CC2D2A: variants seen among roughly 807,000 people sequenced by gnomAD.
CC2D2A encodes the protein coiled-coil and C2 domain containing 2A, also known as coiled-coil and C2 domain-containing protein 2A.
CC2D2A carries 155 observed loss-of-function variants against 212.9 expected under a neutral mutation model. That is an observed-to-expected ratio of 0.73 (90% CI 0.64 to 0.83). The LOEUF is 0.83. Among genes scored for constraint, CC2D2A ranks in the 40% least tolerant of loss-of-function variants. The pLI is 0.00. For missense variants in CC2D2A, 1,856 were observed against 1,956.2 expected (o/e 0.95, Z 0.97); for synonymous variants, 667 against 686.5 (o/e 0.97, Z 0.44).
Position 15,528,716 on chromosome 4 carries a change from T to A in CC2D2A, c.1456T>A (p.Ser486Thr). 1 of 1,603,050 alleles carries A rather than the reference T, an allele frequency of 6.2e-7. No homozygotes were observed. The highest frequency in any genetic ancestry group is 1.1e-5 in the South Asian group (1 of 89,546). Residue 486 changes from serine to threonine, a missense_variant, in exon 13 of 37, where the codon TCT becomes ACT. This residue lies in a region of CC2D2A where 1,512 missense variants were observed against 1,579.3 expected (regional missense o/e 0.96). Transcript: ENST00000424120. ...CCAAAAAACCATCAATGAGTATAAA[T>A]CTGAAATTCGGTGAGTAAAGTTTGT... Reference protein sequence around the residue: ...TIQKTINEYKSEIRQTRKFRD... With the variant: ...TIQKTINEYKTEIRQTRKFRD...
intron 5 of CC2D2A, 26 bp downstream of exon 5, chr4:15,502,543 G>T: frequency 6.4e-7 from 1 of 1,562,736 alleles, no homozygotes; most frequent in South Asian, 1.2e-5. Context: ...TGAATATTCT[G>T]TTCAGTGCTG....
chr4:15,535,077 T>C (rs1718055409), intron 14 of CC2D2A, among the ~76,000 whole-genome samples: 1 of 152,120 alleles, frequency 6.6e-6, no homozygotes, highest in Non-Finnish European at 1.5e-5. Context: ...CCTATTGCCA[T>C]TGTATATTTG....
At chr4:15,570,845 G>T (rs926792376) in intron 28 of CC2D2A, among the ~76,000 whole-genome samples, 1 of 152,032 alleles carries the variant, frequency 6.6e-6, no homozygotes. Context: ...CCAAGATCGC[G>T]CCATTGCACT....
intron 6 of CC2D2A, among the ~76,000 whole-genome samples, chr4:15,503,351 C>G (rs1452246276): frequency 2.0e-5 from 3 of 152,164 alleles, no homozygotes; most frequent in African/African-American, 7.2e-5. Context: ...CTACTCTGTG[C>G]CAGGCATTTT....
In CC2D2A at chr4:15,475,942, A is replaced by G. The variant is rs758963962; in HGVS notation, c.10A>G (p.Arg4Gly). Residue 4 changes from arginine to glycine, a missense_variant, in exon 2 of 37, where the codon AGG becomes GGG. Around this residue, in one of 5 missense-constraint regions of CC2D2A, gnomAD observed 1,512 missense variants for 1,579.3 expected, o/e 0.96. Coordinates refer to ENST00000424120, the MANE Select transcript of CC2D2A (RefSeq NM_001378615.1). MNP[R>G]EEKVKIITEE... Reference sequence around the variant, plus strand: ...ACCCATCCCAGCCAAAATGAATCCCAGGGAAGAAAAAGTAAAAATAATTAC... The same window carrying G: ...ACCCATCCCAGCCAAAATGAATCCCGGGGAAGAAAAAGTAAAAATAATTAC... 3.5e-5 allele frequency: 55 copies of G among 1,589,136 alleles called. No homozygotes were observed. The highest frequency in any genetic ancestry group is 4.7e-5 in the Non-Finnish European group (55 of 1,166,876).
chr4:15,502,285 G>A (rs1715995537), intron 4 of CC2D2A, 144 bp from the exon 5 acceptor site: 2 of 650,526 alleles, frequency 3.1e-6, no homozygotes, highest in Admixed American at 3.2e-5. Context: ...AGTTCTAAAT[G>A]TGCAAAATAA....
chr4:15,484,535 A>G (rs1714890109), intron 4 of CC2D2A, among the ~76,000 whole-genome samples: 1 of 152,162 alleles, frequency 6.6e-6, no homozygotes, highest in Admixed American at 6.5e-5. Context: ...AACAGCAAAA[A>G]TCCAGGTGGG....
At chr4:15,547,075 G>GA (rs1049183486) in intron 17 of CC2D2A, among the ~76,000 whole-genome samples, 6 of 151,968 alleles carry the variant, frequency 3.9e-5, no homozygotes, top group African/African-American at 1.4e-4. Context: ...ATGTCTGCAG[G>GA]AAAAAAACAT....
intron 4 of CC2D2A, among the ~76,000 whole-genome samples, chr4:15,499,715 A>G (rs1715814065): frequency 6.6e-6 from 1 of 152,166 alleles, no homozygotes; most frequent in African/African-American, 2.4e-5. Flanking sequence ...TATGTTCGTA[A>G]AAACTTATTA....
At chr4:15,492,216 C>T (rs957341288) in intron 4 of CC2D2A, among the ~76,000 whole-genome samples, 3 of 152,114 alleles carry the variant, frequency 2.0e-5, no homozygotes, top group African/African-American at 7.2e-5. Flanking sequence ...TTTCTGTCTG[C>T]CCACATCCTA....
At chr4:15,587,220 C>A (rs1720890775) in intron 31 of CC2D2A, among the ~76,000 whole-genome samples, 1 of 152,184 alleles carries the variant, frequency 6.6e-6, no homozygotes, top group Non-Finnish European at 1.5e-5. Context: ...GTTTGCACTC[C>A]TATGAGAATC....
intron 4 of CC2D2A, among the ~76,000 whole-genome samples, chr4:15,496,372 A>T (rs546337484): frequency 6.6e-6 from 1 of 152,284 alleles, no homozygotes; most frequent in East Asian, 1.9e-4. Flanking sequence ...TAGGTTTTAC[A>T]TTTAAGTCTT....
At chr4:15,504,340 CCATTT>C (rs1359156687) in intron 6 of CC2D2A, among the ~76,000 whole-genome samples, 4 of 152,046 alleles carry the variant, frequency 2.6e-5, no homozygotes, top group African/African-American at 9.7e-5. Flanking sequence ...CCTTTAATTC[CCATTT>C]ATTTTCTTAC....
intron 4 of CC2D2A, among the ~76,000 whole-genome samples, chr4:15,500,299 C>T (rs957619991): frequency 7.2e-5 from 11 of 151,906 alleles, no homozygotes; most frequent in African/African-American, 2.7e-4. Context: ...CTGCCATTGA[C>T]CAAAACATCC....
At chr4:15,550,697 A>T in intron 17 of CC2D2A, 127 bp from the exon 18 acceptor site, 1 of 578,318 alleles carries the variant, frequency 1.7e-6, no homozygotes, top group Non-Finnish European at 2.7e-6. Context: ...TCAACTTTCC[A>T]CAATGAGATG....
chr4:15,539,698 ATT>A (rs1455520713), intron 16 of CC2D2A, among the ~76,000 whole-genome samples: 2 of 152,230 alleles, frequency 1.3e-5, no homozygotes, highest in Non-Finnish European at 2.9e-5. Flanking sequence ...ATACCCTATA[ATT>A]TTAATTTTGA....
Position 15,579,310 on chromosome 4 carries a change from C to T in CC2D2A, c.3772-658C>T, listed in dbSNP as rs549134689. Among the ~76,000 whole-genome samples the T allele has an allele frequency of 2.0e-5, 3 of 151,000 alleles. No individual in the cohort carries two copies. In the South Asian group the frequency reaches 6.3e-4, roughly 32 times the overall value. On this transcript the variant is annotated intron_variant, in intron 29 of 36. Coordinates refer to ENST00000424120, the MANE Select transcript of CC2D2A (RefSeq NM_001378615.1). ...TGCCACTGCACTTCAGCCTAGGTGA[C>T]AGAATAAGACCCTGTCTCAAAAAAA... is the stretch of plus-strand genomic sequence containing the variant.
At chr4:15,477,112 G>A (rs1714269402) in intron 2 of CC2D2A, among the ~76,000 whole-genome samples, 1 of 152,148 alleles carries the variant, frequency 6.6e-6, no homozygotes, top group Non-Finnish European at 1.5e-5. Flanking sequence ...AGACCAGCCT[G>A]ACCAACATGG....
At chr4:15,470,673 CTCTCTCTCTCTCTCTCTATATATATA>C (rs1334243647) in intron 1 of CC2D2A, among the ~76,000 whole-genome samples, 3 of 74,740 alleles carry the variant, frequency 4.0e-5, no homozygotes, top group African/African-American at 6.0e-5. Context: ...CTCTCTCTCT[CTCTCTCTCTCTCTCTCTATATATATA>C]TATATATATA....
Sources: allele counts gnomAD v4.1 joint callset (sites outside exome capture counted in the v4.1 genomes callset), GRCh38; gene constraint gnomAD v4.1.1; regional missense constraint gnomAD v4.1.1; transcripts MANE v1.5; gene names NCBI Gene and HGNC (gene_info 2026-07-23, HGNC 2026-07-21).